TEX14: variants seen among roughly 807,000 people sequenced by gnomAD.
TEX14 encodes the protein testis expressed 14, intercellular bridge forming factor, also known as inactive serine/threonine-protein kinase TEX14.
In TEX14, 168 loss-of-function variants were observed where a neutral mutation model predicts 178.6. The observed-to-expected ratio is 0.94, with a 90% CI of 0.83 to 1.07. The LOEUF is 1.07. Among genes scored for constraint, TEX14 ranks in the 50% least tolerant of loss-of-function variants. The pLI is 0.00. For missense variants in TEX14, 1,730 were observed against 1,753.6 expected (o/e 0.99, Z 0.24); for synonymous variants, 626 against 634.1 (o/e 0.99, Z 0.19).
chr17:58,558,841 A>C (rs990646864), intron 30 of TEX14, among the ~76,000 whole-genome samples: 23 of 152,174 alleles, frequency 1.5e-4, no homozygotes, highest in Non-Finnish European at 3.1e-4. Context: ...ATGTGAGCTA[A>C]ATTTAAAACT....
At chr17:58,631,806 C>A (rs958059258) in intron 2 of TEX14, 1 of 151,962 alleles carries the variant, frequency 6.6e-6, no homozygotes, top group Admixed American at 6.6e-5. Flanking sequence ...GAGAAACACA[C>A]TATAGAAATT....
In TEX14 at chr17:58,613,534, G is replaced by GC. The variant is rs777497230; in HGVS notation, c.891dup (p.His298AlafsTer37). 6.2e-7 allele frequency: 1 copy of GC among 1,613,708 alleles called. No homozygotes were observed. The highest frequency in any genetic ancestry group is 8.5e-7 in the Non-Finnish European group (1 of 1,179,902). ...GCCATCAACTGTAGCAAGTAGGGGT[G>GC]CCGCAGCTTGCTGCAAAAGAAAAGA... On this transcript the variant is annotated frameshift_variant, in exon 9 of 32. Transcript: ENST00000349033. LOFTEE classifies it high-confidence loss of function.
rs1224771194 is a variant in TEX14, at chr17:58,672,993, A to G, written c.-2+18946T>C. Among the ~76,000 whole-genome samples, 5 of 152,148 alleles carry G rather than the reference A, an allele frequency of 3.3e-5. No individual in the cohort carries two copies. The East Asian group carries it at 9.7e-4, about 29-fold the overall frequency. ...GTGATCTGCTAGCCTCGAACTCCCA[A>G]AGTGCTGGGATTACAGGCATGAGCC... On this transcript the variant is annotated intron_variant, in intron 1 of 31. Coordinates refer to ENST00000349033, the MANE Select transcript of TEX14 (RefSeq NM_031272.5).
chr17:58,619,582 C>T (rs993332766), intron 5 of TEX14, among the ~76,000 whole-genome samples: 1 of 151,988 alleles, frequency 6.6e-6, no homozygotes, highest in Non-Finnish European at 1.5e-5. Flanking sequence ...CAGAGGCAGG[C>T]GGATCACCTG....
chr17:58,647,206 G>A (rs567155014), intron 2 of TEX14, among the ~76,000 whole-genome samples: 32 of 151,356 alleles, frequency 2.1e-4, no homozygotes, highest in Admixed American at 1.6e-3. Context: ...AGCCTGGAAC[G>A]GCACAATTAA....
Position 58,680,540 on chromosome 17 carries a change from G to A in TEX14, c.-2+11399C>T, listed in dbSNP as rs965639787. On this transcript the variant is annotated intron_variant, in intron 1 of 31. Coordinates refer to ENST00000349033, the MANE Select transcript of TEX14 (RefSeq NM_031272.5). ...GCAGATCACTTGAGGTCAGGAATTC[G>A]AGACCAGCCTGGCCAACATGGTAAA... 3.9e-5 allele frequency among the ~76,000 whole-genome samples: 6 copies of A among 152,020 alleles called. No homozygotes were observed. The South Asian group carries it at 8.3e-4, about 21-fold the overall frequency.
chr17:58,608,585 A>G (rs2045670638), intron 10 of TEX14, among the ~76,000 whole-genome samples: 1 of 152,244 alleles, frequency 6.6e-6, no homozygotes, highest in Non-Finnish European at 1.5e-5. Context: ...CAAAAAAATA[A>G]AAAATATTTA....
intron 1 of TEX14, among the ~76,000 whole-genome samples, chr17:58,667,243 G>A (rs2047229497): frequency 6.6e-6 from 1 of 152,158 alleles, no homozygotes; most frequent in Non-Finnish European, 1.5e-5. Context: ...CAGAGTGGAG[G>A]GTTTTGGAAT....
chr17:58,594,928 T>C (rs1471421675), intron 14 of TEX14, among the ~76,000 whole-genome samples: 2 of 152,120 alleles, frequency 1.3e-5, no homozygotes, highest in Admixed American at 6.6e-5. Context: ...AATATGGAGT[T>C]TGAGATGGGA....
chr17:58,683,052 CA>C (rs1194798521), intron 1 of TEX14, among the ~76,000 whole-genome samples: 2,887 of 54,052 alleles, frequency 0.053, 27 homozygotes, highest in African/African-American at 0.078. Flanking sequence ...GAGTCTGTCT[CA>C]AAAAAAAAAA....
At chr17:58,659,248 C>T (rs565777836) in intron 1 of TEX14, 15 of 656,650 alleles carry the variant, frequency 2.3e-5, no homozygotes, top group African/African-American at 2.5e-5. Context: ...TAAAAACCCT[C>T]CCCCAAGAAA....
At chr17:58,590,353 A>C (rs1354120749) in intron 15 of TEX14, among the ~76,000 whole-genome samples, 1 of 151,912 alleles carries the variant, frequency 6.6e-6, no homozygotes, top group Middle Eastern at 3.2e-3. Flanking sequence ...AAAGGAGGGG[A>C]AAAGAATCCT....
In TEX14 at chr17:58,599,357, T is replaced by A. The variant is rs2045371412; in HGVS notation, c.1988A>T (p.Glu663Val). 6.2e-7 allele frequency: 1 copy of A among 1,614,120 alleles called. No homozygotes were observed. The highest frequency in any genetic ancestry group is 8.5e-7 in the Non-Finnish European group (1 of 1,180,034). Reference sequence around the variant, plus strand: ...CGCCTCTCTCTCCATCTTATCCAGCTCTTCTTCCATGGATTTCAGTTCATC... The same window carrying A: ...CGCCTCTCTCTCCATCTTATCCAGCACTTCTTCCATGGATTTCAGTTCATC... ...QVDELKSMEE[E>V]LDKMEREACC... is the part of the protein sequence containing the mutation. The change falls in exon 14 of 32, where the codon GAG becomes GTG. Residue 663 changes from glutamate (E) to valine (V), a missense_variant. Transcript: ENST00000349033.
chr17:58,636,206 T>C (rs1598406846), intron 2 of TEX14, among the ~76,000 whole-genome samples: 1 of 152,324 alleles, frequency 6.6e-6, no homozygotes, highest in South Asian at 2.1e-4. Flanking sequence ...CATTTATTCA[T>C]TCAACAAATA....
At chr17:58,673,982 G>C (rs1376498475) in intron 1 of TEX14, among the ~76,000 whole-genome samples, 1 of 152,142 alleles carries the variant, frequency 6.6e-6, no homozygotes, top group Admixed American at 6.6e-5. Context: ...TCTTATAAAA[G>C]GAAACCCTGG....
chr17:58,673,338 C>A (rs1019688024), intron 1 of TEX14, among the ~76,000 whole-genome samples: 2 of 151,644 alleles, frequency 1.3e-5, no homozygotes, highest in Admixed American at 1.3e-4. Context: ...AAAAAATTAG[C>A]CAGGCGTAGT....
At chr17:58,559,656 C>A (rs2044232750) in intron 29 of TEX14, 94 bp from the exon 30 acceptor site, 1 of 704,286 alleles carries the variant, frequency 1.4e-6, no homozygotes, top group South Asian at 1.7e-5. Context: ...ACAACAACAA[C>A]AACAACAAAA....
At chr17:58,629,456 GAAAAAA>G (rs969535540) in intron 3 of TEX14, among the ~76,000 whole-genome samples, 1 of 79,788 alleles carries the variant, frequency 1.3e-5, no homozygotes. Context: ...CATGTGTCAG[GAAAAAA>G]AAAAAAAAAA....
At chr17:58,573,347 A>T in intron 22 of TEX14, 39 bp from the exon 23 acceptor site, 2 of 1,595,720 alleles carry the variant, frequency 1.3e-6, no homozygotes, top group Non-Finnish European at 8.6e-7. Context: ...TGAGAAGATG[A>T]CTAGAAAAAT....
Sources: allele counts gnomAD v4.1 joint callset (sites outside exome capture counted in the v4.1 genomes callset), GRCh38; gene constraint gnomAD v4.1.1; transcripts MANE v1.5; gene names NCBI Gene and HGNC (gene_info 2026-07-23, HGNC 2026-07-21).